WTAP: variants seen among roughly 807,000 people sequenced by gnomAD.
WTAP encodes WT1 associated protein.
In WTAP, 8 loss-of-function variants were observed where a neutral mutation model predicts 50.0. The observed-to-expected ratio is 0.16, with a 90% CI of 0.09 to 0.29. The LOEUF (loss-of-function observed/expected upper bound fraction) is 0.29. Among genes scored for constraint, WTAP ranks in the 10% least tolerant of loss-of-function variants. WTAP has a pLI of 1.00. For synonymous variants in WTAP, 194 were observed against 169.0 expected (o/e 1.15, Z -1.15); for missense variants, 295 against 470.7 (o/e 0.63, Z 3.45).
rs1048257210 is a variant in WTAP, at chr6:159,727,553, G to C, written c.-159G>C. 3 of 989,304 alleles carry C rather than the reference G, an allele frequency of 3.0e-6. No individual in the cohort carries two copies. In the African/African-American group the frequency reaches 5.2e-5, roughly 17 times the overall value. The allele number at this position is 989,304 out of a possible 1,614,324, so 61.3% of individuals were successfully genotyped here. A position where few individuals can be genotyped will look rare whatever the true frequency, so the allele number is the denominator to read the frequency against. On this transcript the variant is annotated 5_prime_UTR_variant, in exon 1 of 8. Transcript: ENST00000621533. ...CAGCGAGACCCACAAATAAAGGGGAGCGCAGGGGTTGCGGCGGGACTAGGA... is the reference window on the plus strand; with the variant it reads ...CAGCGAGACCCACAAATAAAGGGGACCGCAGGGGTTGCGGCGGGACTAGGA...
chr6:159,755,369 T>G lies in WTAP; in HGVS notation c.949T>G (p.Ser317Ala), dbSNP rs1430687013. The change falls in exon 8 of 8, where the codon TCA (serine) becomes GCA (alanine). Residue 317 changes from serine to alanine, a missense_variant. Ser to Ala is a moderately conservative substitution (Grantham distance 99). Transcript: ENST00000621533. ...GAATGGTAATAAGTCCTCCAACAGC[T>G]CAGAGGAGAGAACTGGCAGAGGAGG... is the stretch of plus-strand genomic sequence containing the variant. ...PGNGNKSSNS[S>A]EERTGRGGSG... is the part of the protein sequence containing the mutation. 6 of 1,614,100 alleles carry G rather than the reference T, an allele frequency of 3.7e-6. No homozygotes were observed. In the East Asian group the frequency reaches 1.1e-4, roughly 30 times the overall value.
At chr6:159,734,456 G>A (rs1255430082) in intron 1 of WTAP, among the ~76,000 whole-genome samples, 2 of 151,888 alleles carry the variant, frequency 1.3e-5, no homozygotes, top group Admixed American at 1.3e-4. Flanking sequence ...AATAAGTATG[G>A]GTAATTAAAA....
chr6:159,754,769 AT>A (rs1338193480), intron 7 of WTAP, among the ~76,000 whole-genome samples: 13 of 152,216 alleles, frequency 8.5e-5, no homozygotes, highest in African/African-American at 2.4e-4. Flanking sequence ...TTCCTTGAAT[AT>A]TTTCCTTCTA....
At chr6:159,749,065 C>G in intron 6 of WTAP, 2 of 989,652 alleles carry the variant, frequency 2.0e-6, no homozygotes, top group Non-Finnish European at 2.4e-6. Context: ...ATATTACTTG[C>G]TTGAGCCTTA....
chr6:159,736,622 C>T (rs1562455524), intron 2 of WTAP: 2 of 197,094 alleles, frequency 1.0e-5, no homozygotes, highest in East Asian at 2.3e-4. Flanking sequence ...TACATATATA[C>T]AAATAATGTC....
intron 6 of WTAP, among the ~76,000 whole-genome samples, chr6:159,751,607 A>G (rs990212044): frequency 6.6e-6 from 1 of 152,036 alleles, no homozygotes. Context: ...CAAGAACACC[A>G]GCTAATAAAG....
chr6:159,741,710 G>A, intron 3 of WTAP: 1 of 175,594 alleles, frequency 5.7e-6, no homozygotes, highest in Non-Finnish European at 1.2e-5. Flanking sequence ...GATTTAGGCT[G>A]GGTGTGGTGA....
intron 5 of WTAP, among the ~76,000 whole-genome samples, chr6:159,747,152 A>G (rs1410343097): frequency 6.6e-6 from 1 of 152,204 alleles, no homozygotes; most frequent in African/African-American, 2.4e-5. Context: ...ATGGAGTTAG[A>G]TCTTGGGCCA....
chr6:159,743,633 AT>A (rs766227420), intron 4 of WTAP, 31 bp from the exon 5 acceptor site: 1 of 1,563,060 alleles, frequency 6.4e-7, no homozygotes. Context: ...TGATCTTAAA[AT>A]TGTATTTATA....
intron 5 of WTAP, among the ~76,000 whole-genome samples, chr6:159,747,778 T>C (rs1779660351): frequency 6.6e-6 from 1 of 152,202 alleles, no homozygotes; most frequent in South Asian, 2.1e-4. Context: ...AATGTTGATT[T>C]TCGTTTGTTT....
rs755211603 is a variant in WTAP, at chr6:159,739,062, T to A, written c.86+17T>A. 2 of 1,602,206 alleles carry A rather than the reference T, an allele frequency of 1.2e-6. No homozygotes were observed. Among genetic ancestry groups the A allele is most frequent in the Non-Finnish European group, 1.7e-6 (2 of 1,170,846 alleles). On this transcript the variant is annotated intron_variant, in intron 3 of 7. Coordinates refer to ENST00000621533, the MANE Select transcript of WTAP (RefSeq NM_001270531.2). The stretch of plus-strand genomic sequence containing the variant: ...AATTCTAAGGTAAAATGTTCTCTGT[T>A]CAAAAACAAAGTCTTTCTATAGAAC...
In WTAP at chr6:159,748,870, G is replaced by A. The variant is rs972812649; in HGVS notation, c.452+501G>A. 13 of 1,205,860 alleles carry A rather than the reference G, an allele frequency of 1.1e-5. No individual in the cohort carries two copies. The African/African-American group carries it at 1.9e-4, about 17-fold the overall frequency. The allele number at this position is 1,205,860 out of a possible 1,614,324, so 74.7% of individuals were successfully genotyped here. On this transcript the variant is annotated intron_variant, in intron 6 of 7. Transcript: ENST00000621533. This position sits in a 1 kb window ranked among gnomAD's most constrained non-coding sequence, Gnocchi z 5.6. ...AGTGACTTAGAGACACTGTGTATCAGTTTTGCCAATAAGACTGTGGACTTC... is the reference window on the plus strand; with the variant it reads ...AGTGACTTAGAGACACTGTGTATCAATTTTGCCAATAAGACTGTGGACTTC...
intron 5 of WTAP, among the ~76,000 whole-genome samples, chr6:159,746,347 CTT>C (rs1779572653): frequency 6.6e-6 from 1 of 152,144 alleles, no homozygotes; most frequent in South Asian, 2.1e-4. Context: ...TTCTTACCCT[CTT>C]GAGTGAAAAA....
intron 4 of WTAP, 111 bp downstream of exon 4, chr6:159,742,257 A>C (rs1271357604): frequency 2.2e-6 from 2 of 902,624 alleles, no homozygotes; most frequent in African/African-American, 3.4e-5. Context: ...GTGTTTTATT[A>C]TAAGAACTGT....
At chr6:159,753,737 T>C in intron 7 of WTAP, 123 bp downstream of exon 7, 1 of 1,225,772 alleles carries the variant, frequency 8.2e-7, no homozygotes, top group Non-Finnish European at 1.1e-6. Flanking sequence ...TGATTGTATA[T>C]TATTGTGAGT....
chr6:159,733,164 A>G (rs1778692323), intron 1 of WTAP, among the ~76,000 whole-genome samples: 1 of 120,376 alleles, frequency 8.3e-6, no homozygotes, highest in Non-Finnish European at 2.0e-5. Flanking sequence ...GGGAGGAACC[A>G]ATTTAAAGAA....
At position 159,755,679 on chromosome 6, in the gene WTAP, G is replaced by T. The variant is rs1779976072; in HGVS notation, c.*68G>T. ...AGAGGATACTGTCCAGAAAATTAAT[G>T]CATACTTTTGTCACAATTTGCCTTT... On this transcript the variant is annotated 3_prime_UTR_variant, in exon 8 of 8. Transcript: ENST00000621533. 4 of 1,345,302 alleles carry T rather than the reference G, an allele frequency of 3.0e-6. No homozygotes were observed. The South Asian group carries it at 6.3e-5, about 21-fold the overall frequency. 83.3% of individuals were successfully genotyped at this position (1,345,302 alleles called of 1,614,324 possible). A position where few individuals can be genotyped will look rare whatever the true frequency, so the allele number is the denominator to read the frequency against.
rs1779964701 is a variant in WTAP at position 159,755,414 on chromosome 6, C to T, written c.994C>T (p.Leu332Phe). The change falls in exon 8 of 8, where the codon CTC becomes TTC. Residue 332 changes from leucine (L) to phenylalanine (F), a missense_variant. Physicochemically the swap from Leu to Phe is conservative, Grantham distance 22 (BLOSUM62 0). Coordinates refer to ENST00000621533, the MANE Select transcript of WTAP (RefSeq NM_001270531.2). ...AGGAGGTAGTGGTTACGTAAATCAA[C>T]TCAGTGCGGGGTATGAAAGTGTAGA... ...GRGGSGYVNQ[L>F]SAGYESVDSP... is the part of the protein sequence containing the mutation. 1 of 1,614,074 alleles carries T rather than the reference C, an allele frequency of 6.2e-7. No homozygotes were observed. Among genetic ancestry groups the T allele is most frequent in the Admixed American group, 1.7e-5 (1 of 60,006 alleles).
At chr6:159,727,053 C>A, upstream of WTAP, 1 of 1,217,646 alleles carries the variant, frequency 8.2e-7, no homozygotes, top group Non-Finnish European at 1.0e-6. Flanking sequence ...AGTACTTCCA[C>A]CTTCCCTTCC....
Sources: allele counts gnomAD v4.1 joint callset (sites outside exome capture counted in the v4.1 genomes callset), GRCh38; gene constraint gnomAD v4.1.1; non-coding constraint Gnocchi (gnomAD v3.1); transcripts MANE v1.5; gene names NCBI Gene and HGNC (gene_info 2026-07-23, HGNC 2026-07-21).